MTA3: variants seen among roughly 807,000 people sequenced by gnomAD.
MTA3 encodes metastasis-associated protein MTA3.
MTA3 carries 34 observed loss-of-function variants against 83.5 expected under a neutral mutation model. The observed-to-expected ratio is 0.41, with a 90% CI of 0.31 to 0.54. The LOEUF (loss-of-function observed/expected upper bound fraction) is 0.54, where lower values mean the gene tolerates loss of function less well. MTA3 is among the 20% of genes least tolerant of loss of function. MTA3 has a pLI of 0.33. For missense variants in MTA3, 761 were observed against 726.4 expected (o/e 1.05, Z -0.55); for synonymous variants, 303 against 252.7 (o/e 1.20, Z -1.89).
At chr2:42,599,036 T>G (rs1293367641) in intron 3 of MTA3, among the ~76,000 whole-genome samples, 1 of 152,198 alleles carries the variant, frequency 6.6e-6, no homozygotes, top group Admixed American at 6.6e-5. Context: ...AGAATGGTTG[T>G]GGCTGCTCTC....
At chr2:42,590,099 GTCT>G (rs1217447125) in intron 3 of MTA3, among the ~76,000 whole-genome samples, 9 of 152,128 alleles carry the variant, frequency 5.9e-5, no homozygotes, top group Non-Finnish European at 1.0e-4. Flanking sequence ...CCCTTAGAAT[GTCT>G]TCTTATACAC....
At position 42,570,349 on chromosome 2, in the gene MTA3, C is replaced by T. The variant is rs1678326959; in HGVS notation, c.29-88C>T. On this transcript the variant is annotated intron_variant, in intron 1 of 16. Transcript: ENST00000405094. The stretch of plus-strand genomic sequence containing the variant: ...AATGAATTATGAGCTTAATTTCAAA[C>T]GTGAAATGCCTAACATAAAAAGTCT... 9.7e-6 allele frequency: 7 copies of T among 721,138 alleles called. No homozygotes were observed. The East Asian group carries it at 1.1e-4, about 12-fold the overall frequency. 44.7% of individuals were successfully genotyped at this position (721,138 alleles called of 1,614,324 possible). A position where few individuals can be genotyped will look rare whatever the true frequency, so the allele number is the denominator to read the frequency against.
chr2:42,607,615 AT>A (rs1683642131), intron 3 of MTA3, among the ~76,000 whole-genome samples: 1 of 152,156 alleles, frequency 6.6e-6, no homozygotes, highest in African/African-American at 2.4e-5. Flanking sequence ...AAGTGCTGGA[AT>A]TGCAGGCATG....
intron 2 of MTA3, among the ~76,000 whole-genome samples, chr2:42,572,163 C>T (rs1312947123): frequency 6.6e-6 from 1 of 151,870 alleles, no homozygotes; most frequent in Non-Finnish European, 1.5e-5. Context: ...CCTGTAGTCT[C>T]AGCTACTTGG....
At chr2:42,518,971 ACAC>A (rs1675285489) in intron 2 of MTA3, among the ~76,000 whole-genome samples, 1 of 114 alleles carries the variant, frequency 8.8e-3, no homozygotes, top group Non-Finnish European at 0.018. Context: ...TTCTCAAAAC[ACAC>A]ACACACACAC....
chr2:42,728,403 G>C (rs1263582711), intron 16 of MTA3, among the ~76,000 whole-genome samples: 2 of 152,204 alleles, frequency 1.3e-5, no homozygotes, highest in Non-Finnish European at 2.9e-5. Context: ...GTAAACATGG[G>C]AGTGCAGATA....
At chr2:42,748,673 C>G (rs1447372025) in intron 16 of MTA3, among the ~76,000 whole-genome samples, 1 of 152,136 alleles carries the variant, frequency 6.6e-6, no homozygotes, top group Non-Finnish European at 1.5e-5. Flanking sequence ...TCTGAATTAT[C>G]CATTAATCTA....
chr2:42,558,280 T>C (rs12987335), intron 2 of MTA3, among the ~76,000 whole-genome samples: 1 of 148,948 alleles, frequency 6.7e-6, no homozygotes, highest in African/African-American at 2.5e-5. Flanking sequence ...TCGCTCTTGG[T>C]ACCCAGGCTG....
chr2:42,516,524 T>C (rs1675151799), intron 2 of MTA3, among the ~76,000 whole-genome samples: 1 of 152,208 alleles, frequency 6.6e-6, no homozygotes, highest in Non-Finnish European at 1.5e-5. Context: ...CACAGGCTTA[T>C]AAACCCAAGG....
chr2:42,595,351 C>T (rs1051217171), intron 3 of MTA3, among the ~76,000 whole-genome samples: 1 of 151,864 alleles, frequency 6.6e-6, no homozygotes, highest in African/African-American at 2.4e-5. Context: ...ACCTCGTGAT[C>T]TGCCTGCCTC....
chr2:42,709,446 C>G (rs769987694), intron 14 of MTA3: 66 of 361,178 alleles, frequency 1.8e-4, no homozygotes, highest in Non-Finnish European at 2.9e-4. Context: ...AATGTAACCC[C>G]TAAGGATGCT....
At chr2:42,626,044 GC>G (rs768254038) in intron 4 of MTA3, among the ~76,000 whole-genome samples, 18 of 146,916 alleles carry the variant, frequency 1.2e-4, no homozygotes, top group Non-Finnish European at 1.8e-4. Context: ...CCGGCTTCAT[GC>G]CATTCTCCTG....
At chr2:42,595,053 A>T (rs1681618938) in intron 3 of MTA3, among the ~76,000 whole-genome samples, 1 of 136,240 alleles carries the variant, frequency 7.3e-6, no homozygotes, top group South Asian at 2.4e-4. Context: ...ACACTGGGCC[A>T]TAGTTATCTA....
At chr2:42,694,887 C>G (rs1336530365) in intron 9 of MTA3, among the ~76,000 whole-genome samples, 1 of 152,154 alleles carries the variant, frequency 6.6e-6, no homozygotes, top group South Asian at 2.1e-4. Flanking sequence ...ATCTGTGATC[C>G]TAGGACTTTG....
intron 9 of MTA3, among the ~76,000 whole-genome samples, chr2:42,695,268 T>G (rs1693279218): frequency 6.6e-6 from 1 of 152,222 alleles, no homozygotes; most frequent in South Asian, 2.1e-4. Context: ...TGCTAAGGAT[T>G]AATTTTAAAT....
intron 2 of MTA3, among the ~76,000 whole-genome samples, chr2:42,560,407 T>G (rs1677611260): frequency 6.7e-6 from 1 of 149,852 alleles, no homozygotes; most frequent in South Asian, 2.1e-4. Flanking sequence ...ACTCTGGGAG[T>G]GAGCGAGTGG....
At chr2:42,598,610 AAATTTATTT>A (rs1411436867) in intron 3 of MTA3, among the ~76,000 whole-genome samples, 1 of 152,096 alleles carries the variant, frequency 6.6e-6, no homozygotes, top group Non-Finnish European at 1.5e-5. Flanking sequence ...TATCTCCTTA[AAATTTATTT>A]TGGATAAGAT....
chr2:42,687,510 C>T (rs1011841811), intron 9 of MTA3, among the ~76,000 whole-genome samples: 1 of 152,110 alleles, frequency 6.6e-6, no homozygotes, highest in Non-Finnish European at 1.5e-5. Flanking sequence ...GATAAAGTTG[C>T]TATAAACATT....
intron 16 of MTA3, among the ~76,000 whole-genome samples, chr2:42,747,754 G>T (rs1390373963): frequency 6.6e-6 from 1 of 151,822 alleles, no homozygotes; most frequent in Non-Finnish European, 1.5e-5. Flanking sequence ...CACCTATAAA[G>T]ACATTTTTCA....
Sources: allele counts gnomAD v4.1 joint callset (sites outside exome capture counted in the v4.1 genomes callset), GRCh38; gene constraint gnomAD v4.1.1; transcripts MANE v1.5; gene names NCBI Gene and HGNC (gene_info 2026-07-23, HGNC 2026-07-21).